The following PIEZO1 variants were observed in gnomAD, a reference collection of about 807,000 sequenced individuals.
PIEZO1 encodes piezo-type mechanosensitive ion channel component 1.
A neutral mutation model predicts 297.2 loss-of-function variants in PIEZO1; 296 were observed. The observed-to-expected ratio is 1.00, with a 90% CI of 0.91 to 1.10. PIEZO1 has a LOEUF of 1.10. PIEZO1 is among the 50% of genes least tolerant of loss of function. The pLI is 0.00. For missense variants in PIEZO1, 5,018 were observed against 3,455.5 expected (o/e 1.45, Z -11.34); for synonymous variants, 2,427 against 1,507.5 (o/e 1.61, Z -14.13).
chr16:88,716,839 A>C lies in PIEZO1; in HGVS notation c.6720T>G (p.Tyr2240Ter). 6.5e-7 allele frequency: 1 copy of C among 1,550,168 alleles called. No homozygotes were observed. Among genetic ancestry groups the C allele is most frequent in the Non-Finnish European group, 8.7e-7 (1 of 1,146,946 alleles). ...GGTCAAACTGCCGGGACAGCTCCTC[A>C]TAGGCCTGGGCCGTGAAGGGGATGA... Reference protein sequence around the residue: ...PSIIPFTAQAYEELSRQFDPQ... With the variant: ...PSIIPFTAQA Residue 2240 changes from tyrosine (Y) to a stop codon, truncating the protein, a stop_gained, in exon 46 of 51, where the codon TAT (tyrosine) becomes TAG (stop). Coordinates refer to ENST00000301015, the MANE Select transcript of PIEZO1 (RefSeq NM_001142864.4). LOFTEE classifies it high-confidence loss of function.
At position 88,732,604 on chromosome 16, in the gene PIEZO1, C is replaced by T; in HGVS notation, c.2790+3G>A. The T allele has an allele frequency of 2.8e-5, 44 of 1,548,478 alleles. No homozygotes were observed. Among genetic ancestry groups the T allele is most frequent in the Non-Finnish European group, 3.8e-5 (44 of 1,145,714 alleles). ...CCAGCCGCCCACCAGCCCTTCAACT[C>T]ACCTGGATGTAGCCCAGGTTGGGGA... On this transcript the variant is annotated splice_donor_region_variant and intron_variant, in intron 20 of 50. Transcript: ENST00000301015.
chr16:88,737,965 C>A lies in PIEZO1; in HGVS notation c.989G>T (p.Arg330Leu), dbSNP rs755369994. The change falls in exon 8 of 51, where the codon CGC becomes CTC. Residue 330 changes from arginine (R) to leucine (L), a missense_variant. Arg to Leu is a moderately radical substitution (Grantham distance 102). Coordinates refer to ENST00000301015, the MANE Select transcript of PIEZO1 (RefSeq NM_001142864.4). ...GGAGGGGCGGTACGCGCGGAGCTTG[C>A]GCAGAGAGGCCGTGGCGTAGCACAG... ...LLLCYATASL[R>L]KLRAYRPSGQ... 1.3e-6 allele frequency: 2 copies of A among 1,532,972 alleles called. No individual in the cohort carries two copies. Among genetic ancestry groups the A allele is most frequent in the Admixed American group, 2.0e-5 (1 of 50,826 alleles). 95.0% of individuals were successfully genotyped at this position (1,532,972 alleles called of 1,614,324 possible).
rs373366044 is a variant in PIEZO1 at position 88,726,741 on chromosome 16, C to G, written c.3673G>C (p.Val1225Leu). The G allele has an allele frequency of 6.5e-7, 1 of 1,549,838 alleles. No homozygotes were observed. Among genetic ancestry groups the G allele is most frequent in the African/African-American group, 1.4e-5 (1 of 72,972 alleles). ...WDCLILYNVT[V>L]IISKNMLSLL... ...GACAGCATGTTCTTGGAGATGATGA[C>G]GGTGACGTTGTACAGAATGAGGCAG... is the stretch of plus-strand genomic sequence containing the variant. Residue 1225 changes from valine (V) to leucine (L), a missense_variant, in exon 25 of 51, where the codon GTC (valine) becomes CTC (leucine). Physicochemically the swap from Val to Leu is conservative, Grantham distance 32. Coordinates refer to ENST00000301015, the MANE Select transcript of PIEZO1 (RefSeq NM_001142864.4).
intron 1 of PIEZO1, among the ~76,000 whole-genome samples, chr16:88,768,746 C>T (rs554261731): frequency 5.9e-5 from 9 of 152,380 alleles, no homozygotes; most frequent in Admixed American, 5.9e-4. Context: ...ACCCCTGCAG[C>T]CTCAGCCAGG....
rs1032488142 is a variant in PIEZO1 at position 88,715,426 on chromosome 16, C to T, written c.*179G>A. The T allele has an allele frequency of 4.2e-5, 39 of 923,118 alleles. No homozygotes were observed. Among genetic ancestry groups the T allele is most frequent in the Admixed American group, 7.8e-5 (3 of 38,546 alleles). The allele number at this position is 923,118 out of a possible 1,614,324, so 57.2% of individuals were successfully genotyped here. A position where few individuals can be genotyped will look rare whatever the true frequency, so the allele number is the denominator to read the frequency against. On this transcript the variant is annotated 3_prime_UTR_variant, in exon 51 of 51. Transcript: ENST00000301015. The stretch of plus-strand genomic sequence containing the variant: ...TGGGGGACGGCAGCGCCACGCAGGC[C>T]GTGGGGACGCAGTGTCCTTCTCTGA...
At chr16:88,766,868 G>T (rs1192992096) in intron 1 of PIEZO1, among the ~76,000 whole-genome samples, 1 of 152,242 alleles carries the variant, frequency 6.6e-6, no homozygotes, top group African/African-American at 2.4e-5. Flanking sequence ...ACCCCAGGTT[G>T]GAACCCTGGG....
intron 1 of PIEZO1, among the ~76,000 whole-genome samples, chr16:88,755,936 C>G (rs1906633968): frequency 6.6e-6 from 1 of 152,146 alleles, no homozygotes; most frequent in African/African-American, 2.4e-5. Flanking sequence ...GGGTTCCCAG[C>G]ACAGGGCAGA....
rs1908038519 is a variant in PIEZO1, at chr16:88,783,734, C to T, written c.64+1167G>A. On this transcript the variant is annotated intron_variant, in intron 1 of 50. Coordinates refer to ENST00000301015, the MANE Select transcript of PIEZO1 (RefSeq NM_001142864.4). ...GTTGCTCAAAACCTCTCCTCTCCAGCCTCAATGGTTTTCATTGATTCCTGT... is the reference window on the plus strand; with the variant it reads ...GTTGCTCAAAACCTCTCCTCTCCAGTCTCAATGGTTTTCATTGATTCCTGT... Among the ~76,000 whole-genome samples the T allele has an allele frequency of 2.6e-5, 4 of 152,356 alleles. No homozygotes were observed. In the South Asian group the frequency reaches 8.3e-4, roughly 32 times the overall value.
chr16:88,781,254 CCAGGAT>C (rs944073610), intron 1 of PIEZO1, among the ~76,000 whole-genome samples: 8 of 152,214 alleles, frequency 5.3e-5, no homozygotes, highest in African/African-American at 1.9e-4. Flanking sequence ...TGCCTTGGGG[CCAGGAT>C]CAGAGACTGT....
chr16:88,715,934 C>T lies in PIEZO1; in HGVS notation c.7315G>A (p.Gly2439Ser), dbSNP rs1232688392. 39 of 1,549,088 alleles carry T rather than the reference C, an allele frequency of 2.5e-5. No homozygotes were observed. The highest frequency in any genetic ancestry group is 1.7e-4 in the Middle Eastern group (1 of 6,008). Residue 2439 changes from glycine to serine, a missense_variant and splice_region_variant, in exon 50 of 51, where the codon GGC becomes AGC. Physicochemically the swap from Gly to Ser is moderately conservative, Grantham distance 56 (BLOSUM62 0). Transcript: ENST00000301015. ...GTGCCCCCCCAGCCACTCACTCACC[C>T]GTAGCCAGCCAGGAAGCCGAGGCTC... Reference protein sequence around the residue: ...PPSLGFLAGYGIMGLYVSIVL... With the variant: ...PPSLGFLAGYSIMGLYVSIVL...
chr16:88,764,517 C>T (rs1309562962), intron 1 of PIEZO1, among the ~76,000 whole-genome samples: 1 of 149,744 alleles, frequency 6.7e-6, no homozygotes, highest in Non-Finnish European at 1.5e-5. Context: ...CTTTGGGAAG[C>T]TAAGGCGGGT....
chr16:88,764,709 C>A (rs1225781365), intron 1 of PIEZO1, among the ~76,000 whole-genome samples: 1 of 150,750 alleles, frequency 6.6e-6, no homozygotes, highest in East Asian at 1.9e-4. Context: ...TGGGATCGCA[C>A]CACTGCACTC....
chr16:88,784,835 T>A, intron 1 of PIEZO1, 66 bp downstream of exon 1: 1 of 1,198,004 alleles, frequency 8.3e-7, no homozygotes, highest in Non-Finnish European at 1.1e-6. Context: ...TCGTCCGGTG[T>A]CCAGGCCGTG....
Position 88,722,340 on chromosome 16 carries a change from C to A in PIEZO1, c.4833G>T (p.Leu1611=). The change falls in exon 36 of 51, where the codon CTG becomes CTT. Residue 1611 remains leucine, a synonymous_variant. Coordinates refer to ENST00000301015, the MANE Select transcript of PIEZO1 (RefSeq NM_001142864.4). ...SSMTDDMGSP[L]STGYHTRSGS... is the part of the protein sequence containing the mutation. ...CACTGCGCGTGTGGTAGCCGGTGCT[C>A]AGGGGGCTGCCCATGTCGTCTGTCA... The A allele has an allele frequency of 6.5e-7, 1 of 1,540,268 alleles. No individual in the cohort carries two copies.
At chr16:88,764,216 C>A (rs915389111) in intron 1 of PIEZO1, among the ~76,000 whole-genome samples, 1 of 152,092 alleles carries the variant, frequency 6.6e-6, no homozygotes, top group Non-Finnish European at 1.5e-5. Context: ...CCTTGAGACA[C>A]GGGGTCTCGG....
intron 1 of PIEZO1, among the ~76,000 whole-genome samples, chr16:88,778,975 A>T (rs1907802978): frequency 6.6e-6 from 1 of 151,772 alleles, no homozygotes; most frequent in African/African-American, 2.4e-5. Context: ...TCCCGCTGGG[A>T]ACAGGGGAGG....
chr16:88,717,894 G>A, intron 44 of PIEZO1: 1 of 405,934 alleles, frequency 2.5e-6, no homozygotes, highest in Admixed American at 3.4e-5. Flanking sequence ...GCACTTTGAG[G>A]TCAGGAGTTT....
Position 88,719,848 on chromosome 16 carries a change from AG to A in PIEZO1, c.6276del (p.Phe2093SerfsTer29). The A allele has an allele frequency of 6.4e-7, 1 of 1,550,546 alleles. No homozygotes were observed. Among genetic ancestry groups the A allele is most frequent in the Non-Finnish European group, 8.7e-7 (1 of 1,146,938 alleles). On this transcript the variant is annotated frameshift_variant, in exon 43 of 51. Coordinates refer to ENST00000301015, the MANE Select transcript of PIEZO1 (RefSeq NM_001142864.4). LOFTEE classifies it high-confidence loss of function. ...RCGYPTRILG[N>X]FLTKKYNHLN... ...AGATGATTGTACTTCTTGGTGAGGAAGTTGCCGAGGATGCGGGTGGGGTAGC... is the reference window on the plus strand; with the variant it reads ...AGATGATTGTACTTCTTGGTGAGGAATTGCCGAGGATGCGGGTGGGGTAGC...
intron 1 of PIEZO1, among the ~76,000 whole-genome samples, chr16:88,770,010 A>G (rs1907350175): frequency 6.6e-6 from 1 of 152,082 alleles, no homozygotes; most frequent in African/African-American, 2.4e-5. Flanking sequence ...CGGGACCCCC[A>G]CGCCTCTGCC....
Sources: allele counts gnomAD v4.1 joint callset (sites outside exome capture counted in the v4.1 genomes callset), GRCh38; gene constraint gnomAD v4.1.1; transcripts MANE v1.5; gene names NCBI Gene and HGNC (gene_info 2026-07-23, HGNC 2026-07-21).